NKAIN2: variants seen among roughly 807,000 people sequenced by gnomAD.
NKAIN2 encodes sodium/potassium-transporting ATPase subunit beta-1-interacting protein 2.
NKAIN2 carries 14 observed loss-of-function variants against 32.6 expected under a neutral mutation model. The ratio of observed to expected loss-of-function variants is 0.43; its 90% CI spans 0.28 to 0.67. The LOEUF (loss-of-function observed/expected upper bound fraction) is 0.67, where lower values mean the gene tolerates loss of function less well. NKAIN2 is among the 30% of genes least tolerant of loss of function. The pLI is 0.17. For missense variants in NKAIN2, 198 were observed against 258.3 expected (o/e 0.77, Z 1.60); for synonymous variants, 80 against 87.2 (o/e 0.92, Z 0.46).
At chr6:124,446,199 T>C (rs1026047441) in intron 3 of NKAIN2, among the ~76,000 whole-genome samples, 4 of 152,300 alleles carry the variant, frequency 2.6e-5, no homozygotes, top group East Asian at 3.9e-4. Context: ...ATATTGCTTC[T>C]ATAAGAGTGT....
intron 2 of NKAIN2, among the ~76,000 whole-genome samples, chr6:124,348,478 G>A (rs1191889300): frequency 1.3e-5 from 2 of 152,220 alleles, no homozygotes; most frequent in Non-Finnish European, 2.9e-5. Flanking sequence ...GAGCTGTGGT[G>A]GGCTGCACCC....
chr6:124,066,131 T>A (rs1783162123), intron 1 of NKAIN2, among the ~76,000 whole-genome samples: 1 of 152,084 alleles, frequency 6.6e-6, no homozygotes, highest in Non-Finnish European at 1.5e-5. Flanking sequence ...ATCTAAAATA[T>A]ATCCAGGAGA....
chr6:124,002,350 T>C (rs1779913692), intron 1 of NKAIN2, among the ~76,000 whole-genome samples: 1 of 152,116 alleles, frequency 6.6e-6, no homozygotes, highest in Non-Finnish European at 1.5e-5. Context: ...AATGAATAAA[T>C]AGAGAAAACC....
chr6:123,885,723 C>T (rs957882205), intron 1 of NKAIN2, among the ~76,000 whole-genome samples: 4 of 151,964 alleles, frequency 2.6e-5, no homozygotes, highest in Admixed American at 2.6e-4. Context: ...AAATTGTCCT[C>T]ACATTGATTT....
At chr6:124,823,038 A>G (rs1235541502) in intron 6 of NKAIN2, among the ~76,000 whole-genome samples, 182 bp from the exon 7 acceptor site, 1 of 152,206 alleles carries the variant, frequency 6.6e-6, no homozygotes, top group Non-Finnish European at 1.5e-5. Flanking sequence ...TGGCCTCTCT[A>G]TCCCTGCAAT....
At chr6:124,722,673 T>A (rs1368785864) in intron 4 of NKAIN2, among the ~76,000 whole-genome samples, 1 of 152,116 alleles carries the variant, frequency 6.6e-6, no homozygotes, top group African/African-American at 2.4e-5. Flanking sequence ...GCTGCTCCCC[T>A]CCTCCTCTGA....
chr6:124,186,075 A>G (rs1789711459), intron 1 of NKAIN2, among the ~76,000 whole-genome samples: 1 of 146,172 alleles, frequency 6.8e-6, no homozygotes. Context: ...TGAGGCCAGG[A>G]GTTAGAGACC....
intron 1 of NKAIN2, among the ~76,000 whole-genome samples, chr6:124,106,049 TG>T (rs141109175): frequency 0.011 from 1,646 of 152,300 alleles, 34 homozygotes; most frequent in African/African-American, 0.037. Context: ...TCAAGTAGCA[TG>T]TGATTACCCA....
intron 1 of NKAIN2, among the ~76,000 whole-genome samples, chr6:124,247,005 C>CCTCT (rs1582919547): frequency 6.6e-6 from 1 of 151,948 alleles, no homozygotes; most frequent in East Asian, 1.9e-4. Context: ...CTTCCTGAGG[C>CCTCT]CTCTGGCAGG....
At chr6:124,228,991 C>T (rs1326895569) in intron 1 of NKAIN2, among the ~76,000 whole-genome samples, 1 of 152,070 alleles carries the variant, frequency 6.6e-6, no homozygotes, top group African/African-American at 2.4e-5. Flanking sequence ...GCTGAGAGAT[C>T]ATATAATACT....
intron 1 of NKAIN2, among the ~76,000 whole-genome samples, chr6:123,884,994 AG>A (rs1291820453): frequency 6.6e-6 from 1 of 152,154 alleles, no homozygotes; most frequent in Non-Finnish European, 1.5e-5. Flanking sequence ...GTGCAGTTTT[AG>A]GAGGCAGTTT....
chr6:124,770,792 C>A (rs1442992500), intron 4 of NKAIN2, among the ~76,000 whole-genome samples: 1 of 152,048 alleles, frequency 6.6e-6, no homozygotes, highest in Non-Finnish European at 1.5e-5. Flanking sequence ...TTTGCACTAG[C>A]CCAATGATTC....
chr6:124,529,968 C>T (rs1022419294), intron 3 of NKAIN2, among the ~76,000 whole-genome samples: 1 of 152,170 alleles, frequency 6.6e-6, no homozygotes, highest in African/African-American at 2.4e-5. Flanking sequence ...AAGTCATAAT[C>T]ACTGAAGAAT....
intron 3 of NKAIN2, among the ~76,000 whole-genome samples, chr6:124,524,471 A>G (rs546185020): frequency 6.6e-6 from 1 of 152,216 alleles, no homozygotes; most frequent in Non-Finnish European, 1.5e-5. Flanking sequence ...TAATGAGAAT[A>G]GTAACATGTT....
intron 1 of NKAIN2, among the ~76,000 whole-genome samples, chr6:123,854,428 G>A (rs902389804): frequency 5.3e-5 from 8 of 152,114 alleles, no homozygotes; most frequent in African/African-American, 1.2e-4. Flanking sequence ...GAGGAAAAAT[G>A]TCACCACGAT....
intron 3 of NKAIN2, among the ~76,000 whole-genome samples, chr6:124,548,505 C>A (rs1780174889): frequency 6.6e-6 from 1 of 152,162 alleles, no homozygotes; most frequent in African/African-American, 2.4e-5. Flanking sequence ...CCCAGATGCT[C>A]CTCTGTCCTT....
chr6:124,660,021 T>C (rs1014998123), intron 4 of NKAIN2, among the ~76,000 whole-genome samples: 1 of 152,158 alleles, frequency 6.6e-6, no homozygotes, highest in Non-Finnish European at 1.5e-5. Context: ...AAAAATAAGT[T>C]AGACTTGACA....
chr6:123,859,631 G>A (rs1340443989), intron 1 of NKAIN2, among the ~76,000 whole-genome samples: 1 of 152,166 alleles, frequency 6.6e-6, no homozygotes, highest in African/African-American at 2.4e-5. Context: ...TGTTTCATCT[G>A]TAACACTCTC....
intron 3 of NKAIN2, among the ~76,000 whole-genome samples, chr6:124,655,338 C>T (rs1483544772): frequency 6.6e-6 from 1 of 151,940 alleles, no homozygotes; most frequent in African/African-American, 2.4e-5. Flanking sequence ...GCTATCATCT[C>T]CATTTTTTTG....
Sources: allele counts gnomAD v4.1 joint callset (sites outside exome capture counted in the v4.1 genomes callset), GRCh38; gene constraint gnomAD v4.1.1; transcripts MANE v1.5; gene names NCBI Gene and HGNC (gene_info 2026-07-23, HGNC 2026-07-21).